Variants in WDR17 observed in about 807,000 individuals in gnomAD.
WDR17 encodes the protein WD repeat domain 17.
Under a neutral mutation model 161.7 loss-of-function variants are expected in WDR17, and 143 were observed. That is an observed-to-expected ratio of 0.88 (90% CI 0.77 to 1.02). The LOEUF is 1.02. Among genes scored for constraint, WDR17 ranks in the 50% least tolerant of loss-of-function variants. The pLI is 0.00. For missense variants in WDR17, 1,469 were observed against 1,520.9 expected, an observed-to-expected ratio of 0.97 and a Z score of 0.57; for synonymous variants, 517 against 515.6, an observed-to-expected ratio of 1.00 and a Z score of -0.04.
chr4:176,131,073 T>C (rs1035167437), intron 6 of WDR17, among the ~76,000 whole-genome samples: 6 of 152,174 alleles, frequency 3.9e-5, no homozygotes, highest in African/African-American at 1.4e-4. Flanking sequence ...TGATTCTTAA[T>C]TTATGATAAA....
rs1307850195 is a variant in WDR17, at chr4:176,073,394, C to G, written c.-7+7315C>G. Among the ~76,000 whole-genome samples the G allele has an allele frequency of 5.9e-5, 9 of 151,384 alleles. No individual in the cohort carries two copies. In the South Asian group the frequency reaches 1.3e-3, roughly 21 times the overall value. ...CTTGCGATAGTTTGCTGAGAATGAT[C>G]GTTTCCAGTTTCATCCATGTCCCTA... On this transcript the variant is annotated intron_variant, in intron 1 of 28. Transcript: ENST00000508596.
Position 176,149,697 on chromosome 4 carries a change from C to T in WDR17, c.1898-110C>T, listed in dbSNP as rs1746797405. On this transcript the variant is annotated intron_variant, in intron 13 of 28. Transcript: ENST00000508596. The stretch of plus-strand genomic sequence containing the variant: ...GTTGACTGAGAACCTTTCAGTTACT[C>T]ACAATATTTCTTCATAGCTTCAATT... 3.6e-5 allele frequency: 49 copies of T among 1,360,604 alleles called. No homozygotes were observed. In the South Asian group the frequency reaches 6.4e-4, roughly 18 times the overall value. 84.3% of individuals were successfully genotyped at this position (1,360,604 alleles called of 1,614,324 possible).
chr4:176,136,147 A>C lies in WDR17; in HGVS notation c.1267+871A>C, dbSNP rs528095959. Among the ~76,000 whole-genome samples the C allele has an allele frequency of 3.3e-5, 5 of 151,756 alleles. No homozygotes were observed. The South Asian group carries it at 1.0e-3, about 31-fold the overall frequency. ...AGATTTTCAGAGTTTCATGATACGA[A>C]AAAGGTTAAGGACCACTGCTTTATG... On this transcript the variant is annotated intron_variant, in intron 8 of 28. Coordinates refer to ENST00000508596, the MANE Select transcript of WDR17 (RefSeq NM_181265.4).
At chr4:176,071,328 C>CTTTT (rs1561059612) in intron 1 of WDR17, among the ~76,000 whole-genome samples, 1 of 88,846 alleles carries the variant, frequency 1.1e-5, no homozygotes, top group African/African-American at 3.2e-5. Context: ...TTTTTCTTTT[C>CTTTT]TCTTTTTTTT....
Position 176,179,988 on chromosome 4 carries a change from A to G in WDR17, c.*409A>G, listed in dbSNP as rs1407495949. Reference sequence around the variant, plus strand: ...ACTTAATGGATATTTGAATGATTGAATATCTTGAAATGTTGAAATGTAAGG... The same window carrying G: ...ACTTAATGGATATTTGAATGATTGAGTATCTTGAAATGTTGAAATGTAAGG... On this transcript the variant is annotated 3_prime_UTR_variant, in exon 29 of 29. Coordinates refer to ENST00000508596, the MANE Select transcript of WDR17 (RefSeq NM_181265.4). The G allele has an allele frequency of 1.3e-5, 2 of 152,226 alleles. No homozygotes were observed. Among genetic ancestry groups the G allele is most frequent in the East Asian group, 3.8e-4 (2 of 5,200 alleles). The allele number at this position is 152,226 out of a possible 1,614,324, so 9.4% of individuals were successfully genotyped here. A position where few individuals can be genotyped will look rare whatever the true frequency, so the allele number is the denominator to read the frequency against.
chr4:176,143,665 C>G (rs1347473421), intron 11 of WDR17, among the ~76,000 whole-genome samples: 1 of 152,022 alleles, frequency 6.6e-6, no homozygotes, highest in East Asian at 1.9e-4. Context: ...GGTGATAGAG[C>G]CAGACCCTGT....
chr4:176,152,376 C>T (rs1343158271), intron 17 of WDR17, among the ~76,000 whole-genome samples: 1 of 150,100 alleles, frequency 6.7e-6, no homozygotes, highest in Non-Finnish European at 1.5e-5. Context: ...TCGGGTGGAT[C>T]ACGAGGTCAG....
chr4:176,124,591 A>G (rs963914587), intron 4 of WDR17, among the ~76,000 whole-genome samples: 7 of 152,104 alleles, frequency 4.6e-5, no homozygotes, highest in Non-Finnish European at 7.4e-5. Flanking sequence ...CTTCTCCATT[A>G]TTAAAAAAAG....
chr4:176,081,302 C>T (rs1255508397), intron 1 of WDR17, among the ~76,000 whole-genome samples: 1 of 152,138 alleles, frequency 6.6e-6, no homozygotes, highest in African/African-American at 2.4e-5. Flanking sequence ...ATCTACATGA[C>T]TTTCCATCAT....
chr4:176,112,961 A>T (rs892465226), intron 2 of WDR17, among the ~76,000 whole-genome samples: 1 of 152,170 alleles, frequency 6.6e-6, no homozygotes, highest in Non-Finnish European at 1.5e-5. Flanking sequence ...TTTAAGAAAT[A>T]TAGCATTAAT....
rs759245244 is a variant in WDR17 at position 176,149,854 on chromosome 4, C to T, written c.1945C>T (p.Arg649Cys). ...CCCCTTCACTATGGCCTCTTGCTCC[C>T]GTGACTCTACAGTGAGACTCTGGTC... ...SRPFTMASCSRDSTVRLWSLT... is the reference protein window; with the variant it reads ...SRPFTMASCSCDSTVRLWSLT... Residue 649 changes from arginine to cysteine, a missense_variant, in exon 14 of 29, where the codon CGT becomes TGT. Physicochemically the swap from Arg to Cys is radical, Grantham distance 180. Coordinates refer to ENST00000508596, the MANE Select transcript of WDR17 (RefSeq NM_181265.4). The T allele has an allele frequency of 7.4e-6, 12 of 1,613,994 alleles. No homozygotes were observed. Among genetic ancestry groups the T allele is most frequent in the East Asian group, 4.5e-5 (2 of 44,872 alleles).
At chr4:176,128,689 AGT>A in intron 5 of WDR17, 47 bp from the exon 6 acceptor site, 1 of 1,565,708 alleles carries the variant, frequency 6.4e-7, no homozygotes, top group Non-Finnish European at 8.6e-7. Flanking sequence ...TAGGCATTTT[AGT>A]TTCATACAAA....
chr4:176,128,080 C>T (rs777848868), intron 5 of WDR17, among the ~76,000 whole-genome samples: 6 of 152,136 alleles, frequency 3.9e-5, no homozygotes, highest in African/African-American at 7.2e-5. Flanking sequence ...ATTGTTTCCA[C>T]CTTTTTGCTG....
In WDR17 at chr4:176,182,158, A is replaced by C. The variant is rs1007127823; in HGVS notation, c.*2579A>C. The C allele has an allele frequency of 1.3e-5, 2 of 152,064 alleles. No individual in the cohort carries two copies. Among genetic ancestry groups the C allele is most frequent in the Admixed American group, 1.3e-4 (2 of 15,254 alleles). 9.4% of individuals were successfully genotyped at this position (152,064 alleles called of 1,614,324 possible). ...GTTCATATTACCAATAATGTGGACA[A>C]ATTACTTTGCAGGTTTAAATATGCC... On this transcript the variant is annotated 3_prime_UTR_variant, in exon 29 of 29. Coordinates refer to ENST00000508596, the MANE Select transcript of WDR17 (RefSeq NM_181265.4). The surrounding 1 kb of genome is among the most constrained non-coding windows in gnomAD (Gnocchi z 4.2).
Position 176,182,389 on chromosome 4 carries a change from A to G in WDR17, c.*2810A>G, listed in dbSNP as rs935389904. 10 of 102,262 alleles carry G rather than the reference A, an allele frequency of 9.8e-5. No individual in the cohort carries two copies. The South Asian group carries it at 3.5e-3, about 36-fold the overall frequency. 6.3% of individuals were successfully genotyped at this position (102,262 alleles called of 1,614,324 possible). On this transcript the variant is annotated 3_prime_UTR_variant, in exon 29 of 29. Transcript: ENST00000508596. The surrounding 1 kb of genome is among the most constrained non-coding windows in gnomAD (Gnocchi z 4.2). ...ATACATGTATGTATGAAATATATATATGTGCGTGTGTGTGTGTATATATAT... is the reference window on the plus strand; with the variant it reads ...ATACATGTATGTATGAAATATATATGTGTGCGTGTGTGTGTGTATATATAT...
intron 26 of WDR17, 107 bp from the exon 27 acceptor site, chr4:176,176,951 T>C: frequency 2.8e-6 from 2 of 722,096 alleles, no homozygotes; most frequent in Admixed American, 2.3e-5. Flanking sequence ...ACGTATAATG[T>C]CTGTATACAG....
chr4:176,128,881 A>T, intron 6 of WDR17, 21 bp downstream of exon 6: 1 of 1,531,460 alleles, frequency 6.5e-7, no homozygotes, highest in Non-Finnish European at 8.8e-7. Context: ...ATGTTATCAA[A>T]ATTTTAATTT....
intron 1 of WDR17, among the ~76,000 whole-genome samples, chr4:176,085,212 T>A (rs1333420574): frequency 6.6e-6 from 1 of 152,126 alleles, no homozygotes; most frequent in Non-Finnish European, 1.5e-5. Flanking sequence ...CATTTTCACA[T>A]TTAATCTAAT....
At chr4:176,084,035 G>GTT (rs368032770) in intron 1 of WDR17, among the ~76,000 whole-genome samples, 13 of 148,960 alleles carry the variant, frequency 8.7e-5, no homozygotes, top group African/African-American at 2.7e-4. Flanking sequence ...TTTTGTTTTT[G>GTT]TTTTTTTTTG....
Sources: allele counts gnomAD v4.1 joint callset (sites outside exome capture counted in the v4.1 genomes callset), GRCh38; gene constraint gnomAD v4.1.1; non-coding constraint Gnocchi (gnomAD v3.1); transcripts MANE v1.5; gene names NCBI Gene and HGNC (gene_info 2026-07-23, HGNC 2026-07-21).